Variants in VPS37C observed in about 807,000 individuals in gnomAD.
The protein encoded by VPS37C is VPS37C subunit of ESCRT-I, also known as vacuolar protein sorting-associated protein 37C.
A neutral mutation model predicts 16.1 loss-of-function variants in VPS37C; 9 were observed. That is an observed-to-expected ratio of 0.56 (90% CI 0.34 to 0.97). VPS37C has a LOEUF of 0.97. VPS37C is among the 50% of genes least tolerant of loss of function. The probability of loss-of-function intolerance (pLI) is 0.02; values close to 1 mark genes in which losing one functional copy is unlikely to be tolerated. For missense variants in VPS37C, 479 were observed against 472.7 expected (o/e 1.01, Z -0.12); for synonymous variants, 207 against 206.4 (o/e 1.00, Z -0.02).
chr11:61,133,391 T>TTAAAGGCACTTTGCATACCCTCTGTGTGC, intron 3 of VPS37C, 54 bp from the exon 4 acceptor site: 2 of 1,568,722 alleles, frequency 1.3e-6, no homozygotes, highest in Admixed American at 3.5e-5. Context: ...TGATTCAGTG[T>TTAAAGGCACTTTGCATACCCTCTGTGTGC]TAAAGGCACT....
intron 1 of VPS37C, among the ~76,000 whole-genome samples, chr11:61,160,530 G>A (rs963871733): frequency 6.6e-6 from 1 of 152,182 alleles, no homozygotes; most frequent in African/African-American, 2.4e-5. Context: ...CTGAGGTACC[G>A]CTGGAGCGAA....
intron 1 of VPS37C, among the ~76,000 whole-genome samples, chr11:61,159,337 C>T (rs371263564): frequency 5.4e-4 from 83 of 152,298 alleles, no homozygotes; most frequent in African/African-American, 1.9e-3. Flanking sequence ...CTGGGCCCTC[C>T]TCCAGACAAT....
chr11:61,144,811 G>T (rs1853170353), intron 1 of VPS37C: 1 of 152,250 alleles, frequency 6.6e-6, no homozygotes, highest in Non-Finnish European at 1.5e-5. Flanking sequence ...CTACACGGAG[G>T]CTGAGTCTGG....
chr11:61,137,375 G>C (rs572265848), intron 2 of VPS37C, among the ~76,000 whole-genome samples: 3 of 152,176 alleles, frequency 2.0e-5, no homozygotes, highest in Admixed American at 6.5e-5. Flanking sequence ...AGTTCAGATC[G>C]ATGGGACAGG....
At chr11:61,137,262 T>C (rs1314566660) in intron 2 of VPS37C, among the ~76,000 whole-genome samples, 4 of 152,154 alleles carry the variant, frequency 2.6e-5, no homozygotes, top group Non-Finnish European at 5.9e-5. Context: ...ACTCAATGAC[T>C]GTCTTATAGC....
chr11:61,143,001 A>G (rs1184393496), intron 1 of VPS37C, among the ~76,000 whole-genome samples: 3 of 140,462 alleles, frequency 2.1e-5, no homozygotes, highest in African/African-American at 8.5e-5. Flanking sequence ...AAAAAAAAAG[A>G]GATGAGACTC....
At chr11:61,138,503 G>A (rs948388966) in intron 2 of VPS37C, 1 of 525,684 alleles carries the variant, frequency 1.9e-6, no homozygotes, top group East Asian at 3.2e-5. Flanking sequence ...GACTCCTGGG[G>A]TATCTGGGTC....
chr11:61,149,775 C>T (rs1340602659), intron 1 of VPS37C, among the ~76,000 whole-genome samples: 1 of 152,214 alleles, frequency 6.6e-6, no homozygotes, highest in African/African-American at 2.4e-5. Context: ...ATTTACATAA[C>T]AACTGAATGC....
rs1039911010 is a variant in VPS37C at position 61,130,898 on chromosome 11, G to T, written c.*922C>A. The T allele has an allele frequency of 2.5e-6, 1 of 398,478 alleles. No individual in the cohort carries two copies. Among genetic ancestry groups the T allele is most frequent in the South Asian group, 1.8e-5 (1 of 55,696 alleles). The allele number at this position is 398,478 out of a possible 1,614,324, so 24.7% of individuals were successfully genotyped here. A position where few individuals can be genotyped will look rare whatever the true frequency, so the allele number is the denominator to read the frequency against. ...AACAGAGTGAGAAGGGGAGGGGAAG[G>T]GAGGGGGCTGCTTGTGAATGAGATT... On this transcript the variant is annotated 3_prime_UTR_variant, in exon 5 of 5. Coordinates refer to ENST00000301765, the MANE Select transcript of VPS37C (RefSeq NM_017966.5).
intron 1 of VPS37C, among the ~76,000 whole-genome samples, chr11:61,158,354 T>C (rs1232679750): frequency 6.6e-6 from 1 of 152,164 alleles, no homozygotes; most frequent in Non-Finnish European, 1.5e-5. Flanking sequence ...ACAGAAGACT[T>C]GAACATTACA....
intron 1 of VPS37C, among the ~76,000 whole-genome samples, chr11:61,141,776 C>T (rs1017969884): frequency 2.6e-5 from 4 of 152,250 alleles, no homozygotes; most frequent in African/African-American, 4.8e-5. Flanking sequence ...GCACCCATAT[C>T]GGCTCCACCC....
chr11:61,138,505 A>G, intron 2 of VPS37C: 2 of 524,734 alleles, frequency 3.8e-6, no homozygotes, highest in Non-Finnish European at 6.9e-6. Context: ...CTCCTGGGGT[A>G]TCTGGGTCCT....
chr11:61,132,338 G>A lies in VPS37C; in HGVS notation c.550C>T (p.Gln184Ter). ...RPPPPVRPVP[Q>*]GTPPVVEEQP... ...TCTTCAACCACAGGGGGTGTTCCCT[G>A]GGGGACTGGGCGCACCGGGGGTGGT... The change falls in exon 5 of 5, where the codon CAG becomes TAG. Residue 184 changes from glutamine to a stop codon, truncating the protein, a stop_gained. Transcript: ENST00000301765. LOFTEE classifies it low-confidence loss of function (END_TRUNC). The A allele has an allele frequency of 1.2e-6, 2 of 1,601,660 alleles. No homozygotes were observed. The highest frequency in any genetic ancestry group is 1.7e-6 in the Non-Finnish European group (2 of 1,173,584).
Position 61,131,526 on chromosome 11 carries a change from A to T in VPS37C, c.*294T>A. 2.9e-6 allele frequency: 1 copy of T among 350,698 alleles called. No homozygotes were observed. The allele number at this position is 350,698 out of a possible 1,614,324, so 21.7% of individuals were successfully genotyped here. A position where few individuals can be genotyped will look rare whatever the true frequency, so the allele number is the denominator to read the frequency against. ...CAAGTAGATGCTCATAAATGCGCAC[A>T]TGCGCTCACTCACACAGACACCGGC... On this transcript the variant is annotated 3_prime_UTR_variant, in exon 5 of 5. Transcript: ENST00000301765.
At chr11:61,138,916 A>C in intron 1 of VPS37C, 81 bp from the exon 2 acceptor site, 1 of 1,338,148 alleles carries the variant, frequency 7.5e-7, no homozygotes, top group Non-Finnish European at 1.1e-6. Context: ...TGATTTATCA[A>C]AAACAAACTG....
intron 2 of VPS37C, among the ~76,000 whole-genome samples, chr11:61,135,303 C>A (rs2154677): frequency 6.6e-6 from 1 of 152,060 alleles, no homozygotes; most frequent in Admixed American, 6.5e-5. Flanking sequence ...CACTCTGGGG[C>A]AGGCCCATTG....
At chr11:61,143,875 G>A (rs1861514829) in intron 1 of VPS37C, 1 of 151,430 alleles carries the variant, frequency 6.6e-6, no homozygotes, top group Non-Finnish European at 1.5e-5. Context: ...GGTCAGGCTG[G>A]TCTCGAACTC....
chr11:61,138,821 C>T lies in VPS37C; in HGVS notation c.9G>A (p.Thr3=), dbSNP rs780387742. The T allele has an allele frequency of 3.7e-6, 6 of 1,614,010 alleles. No individual in the cohort carries two copies. Among genetic ancestry groups the T allele is most frequent in the East Asian group, 4.5e-5 (2 of 44,888 alleles). Residue 3 remains threonine (T), a synonymous_variant, in exon 2 of 5, where the codon ACG becomes ACA. Transcript: ENST00000301765. ME[T]LKDKTLQELE... is the part of the protein sequence containing the mutation. ...GCTCCTGCAGGGTCTTATCCTTCAGCGTCTCCATCCTTCCCTGTGAACACA... is the reference window on the plus strand; with the variant it reads ...GCTCCTGCAGGGTCTTATCCTTCAGTGTCTCCATCCTTCCCTGTGAACACA...
intron 1 of VPS37C, among the ~76,000 whole-genome samples, chr11:61,153,786 A>G (rs1190515541): frequency 6.6e-6 from 1 of 152,216 alleles, no homozygotes; most frequent in Admixed American, 6.5e-5. Flanking sequence ...CACAGGGCAG[A>G]GTACCAGAGA....
Sources: allele counts gnomAD v4.1 joint callset (sites outside exome capture counted in the v4.1 genomes callset), GRCh38; gene constraint gnomAD v4.1.1; transcripts MANE v1.5; gene names NCBI Gene and HGNC (gene_info 2026-07-23, HGNC 2026-07-21).